PRKN: variants seen among roughly 807,000 people sequenced by gnomAD.
PRKN encodes E3 ubiquitin-protein ligase parkin.
In PRKN, 56 loss-of-function variants were observed where a neutral mutation model predicts 59.5. The ratio of observed to expected loss-of-function variants is 0.94; its 90% CI spans 0.76 to 1.18. The LOEUF (loss-of-function observed/expected upper bound fraction) is 1.18. Ranked by LOEUF, PRKN falls within the 50% of genes most tolerant of loss-of-function variation. PRKN has a pLI of 0.00. For missense variants in PRKN, 657 were observed against 596.4 expected (o/e 1.10, Z -1.06); for synonymous variants, 250 against 222.1 (o/e 1.13, Z -1.12).
chr6:162,001,239 T>G (rs1583462903), intron 5 of PRKN, among the ~76,000 whole-genome samples: 1 of 152,098 alleles, frequency 6.6e-6, no homozygotes, highest in South Asian at 2.1e-4. Flanking sequence ...TGGGAAGAAT[T>G]AACATTCTGA....
chr6:162,714,594 G>A (rs1197127050), intron 1 of PRKN, among the ~76,000 whole-genome samples: 2 of 152,016 alleles, frequency 1.3e-5, no homozygotes, highest in East Asian at 1.9e-4. Flanking sequence ...TGAAATGATT[G>A]GATCAAGAAA....
intron 6 of PRKN, among the ~76,000 whole-genome samples, chr6:161,962,831 G>T (rs1036477822): frequency 2.7e-5 from 4 of 149,860 alleles, no homozygotes; most frequent in African/African-American, 2.4e-5. Flanking sequence ...CACCTCACCC[G>T]GCCGCTCCAT....
intron 4 of PRKN, among the ~76,000 whole-genome samples, chr6:162,084,633 A>C (rs1036630008): frequency 1.3e-4 from 20 of 152,098 alleles, no homozygotes; most frequent in African/African-American, 4.6e-4. Flanking sequence ...GAGATACCTG[A>C]GTTATTTATG....
intron 1 of PRKN, among the ~76,000 whole-genome samples, chr6:162,581,093 A>G (rs116073856): frequency 6.6e-6 from 1 of 152,308 alleles, no homozygotes; most frequent in African/African-American, 2.4e-5. Context: ...CCACTAAGTT[A>G]AGATGCTGTC....
intron 11 of PRKN, among the ~76,000 whole-genome samples, chr6:161,358,426 G>A (rs376830303): frequency 1.1e-4 from 16 of 152,068 alleles, no homozygotes; most frequent in East Asian, 7.7e-4. Context: ...CAGCCTGGCC[G>A]ACATATAGTG....
chr6:162,399,885 C>T lies in PRKN; in HGVS notation c.171+43425G>A, dbSNP rs188908805. On this transcript the variant is annotated intron_variant, in intron 2 of 11. Coordinates refer to ENST00000366898, the MANE Select transcript of PRKN (RefSeq NM_004562.3). The stretch of plus-strand genomic sequence containing the variant: ...ATAGAAAAAAGAACAATGAGCTAAA[C>T]GGCCTGTATGATTTGGAAAAAAAAG... 8.7e-4 allele frequency among the ~76,000 whole-genome samples: 132 copies of T among 152,098 alleles called. 1 individual carries two copies. In the Middle Eastern group the frequency reaches 0.01, roughly 12 times the overall value.
chr6:161,780,628 A>G (rs781049888), intron 7 of PRKN, among the ~76,000 whole-genome samples: 5 of 152,236 alleles, frequency 3.3e-5, no homozygotes, highest in Non-Finnish European at 7.3e-5. Flanking sequence ...CAAAGAAACT[A>G]TTAATTAAAG....
intron 9 of PRKN, among the ~76,000 whole-genome samples, chr6:161,531,147 T>C (rs1033117794): frequency 1.3e-5 from 2 of 151,988 alleles, no homozygotes; most frequent in Non-Finnish European, 2.9e-5. Flanking sequence ...TTTGGGAGGC[T>C]GAGGCGGGCA....
At position 161,362,163 on chromosome 6, in the gene PRKN, A is replaced by G. The variant is rs1785000382; in HGVS notation, c.1168-1958T>C. ...TTTCAAAATGCCATTTTTTAGCAAC[A>G]TGGCATACTGCATGTGAAGGGCAAT... On this transcript the variant is annotated intron_variant, in intron 10 of 11. Coordinates refer to ENST00000366898, the MANE Select transcript of PRKN (RefSeq NM_004562.3). This position sits in a 1 kb window ranked among gnomAD's most constrained non-coding sequence, Gnocchi z 5.2. Among the ~76,000 whole-genome samples the G allele has an allele frequency of 2.0e-5, 3 of 152,210 alleles. No individual in the cohort carries two copies. The highest frequency in any genetic ancestry group is 4.4e-5 in the Non-Finnish European group (3 of 68,036).
intron 1 of PRKN, among the ~76,000 whole-genome samples, chr6:162,590,677 A>G (rs560490149): frequency 1.3e-5 from 2 of 152,336 alleles, no homozygotes; most frequent in African/African-American, 4.8e-5. Flanking sequence ...TGAAAGCCAC[A>G]ATGAAACCCG....
intron 1 of PRKN, among the ~76,000 whole-genome samples, chr6:162,585,474 T>C (rs1186350991): frequency 6.6e-6 from 1 of 152,148 alleles, no homozygotes; most frequent in Non-Finnish European, 1.5e-5. Flanking sequence ...CCATAGATAT[T>C]TACTCCAATT....
intron 2 of PRKN, among the ~76,000 whole-genome samples, chr6:162,377,630 C>A (rs1786189168): frequency 6.6e-6 from 1 of 152,192 alleles, no homozygotes; most frequent in Non-Finnish European, 1.5e-5. Flanking sequence ...CAGATCGGCT[C>A]CCTGATGTCA....
At chr6:161,972,723 G>T (rs1780867869) in intron 6 of PRKN, among the ~76,000 whole-genome samples, 1 of 152,152 alleles carries the variant, frequency 6.6e-6, no homozygotes, top group African/African-American at 2.4e-5. Context: ...ACATGTTGTG[G>T]TGTTCATAAA....
chr6:162,219,184 T>C (rs1777829104), intron 3 of PRKN, among the ~76,000 whole-genome samples: 1 of 152,052 alleles, frequency 6.6e-6, no homozygotes, highest in Non-Finnish European at 1.5e-5. Flanking sequence ...GAGAGAGTTC[T>C]TGCCCAAATA....
intron 9 of PRKN, among the ~76,000 whole-genome samples, chr6:161,438,178 T>C (rs1383020545): frequency 3.9e-5 from 6 of 152,094 alleles, no homozygotes; most frequent in African/African-American, 1.4e-4. Flanking sequence ...AATGTTCTTG[T>C]TTTCTTACAA....
At chr6:162,253,070 T>A (rs976076049) in intron 3 of PRKN, among the ~76,000 whole-genome samples, 1 of 152,204 alleles carries the variant, frequency 6.6e-6, no homozygotes, top group Non-Finnish European at 1.5e-5. Flanking sequence ...GCCAGGACGC[T>A]GTTGTCTACA....
chr6:162,055,648 C>T (rs994002194), intron 4 of PRKN, among the ~76,000 whole-genome samples: 2 of 152,046 alleles, frequency 1.3e-5, no homozygotes, highest in African/African-American at 2.4e-5. Context: ...TTCCAGGAGA[C>T]GTGGTATGAG....
chr6:162,390,423 A>ACC lies in PRKN; in HGVS notation c.171+52886_171+52887insGG, dbSNP rs1562725948. Among the ~76,000 whole-genome samples, 32 of 142,232 alleles carry ACC rather than the reference A, an allele frequency of 2.2e-4. 1 individual carries two copies. The East Asian group carries it at 6.1e-3, about 27-fold the overall frequency. The allele number at this position is 142,232 out of a possible 152,430, so 93.3% of individuals were successfully genotyped here. A position where few individuals can be genotyped will look rare whatever the true frequency, so the allele number is the denominator to read the frequency against. On this transcript the variant is annotated intron_variant, in intron 2 of 11. Transcript: ENST00000366898. The stretch of plus-strand genomic sequence containing the variant: ...CACACACACACACACACACACACAC[A>ACC]CACACCTTATATATATATATATATT...
In PRKN at chr6:162,003,926, T is replaced by C. The variant is rs1488197663; in HGVS notation, c.619-30509A>G. Among the ~76,000 whole-genome samples the C allele has an allele frequency of 2.0e-5, 3 of 152,172 alleles. No individual in the cohort carries two copies. The South Asian group carries it at 6.2e-4, about 31-fold the overall frequency. ...TGGAATCTGAAACTTGAATTATGGA[T>C]TTGTCTTTTTATCTTGCAACTTCAA... On this transcript the variant is annotated intron_variant, in intron 5 of 11. Transcript: ENST00000366898.
Sources: gnomAD v4.1 joint callset for allele counts (sites outside exome capture counted in the v4.1 genomes callset) on GRCh38, gnomAD v4.1.1 for gene constraint, Gnocchi (gnomAD v3.1) non-coding constraint, MANE v1.5 for transcripts, NCBI Gene and HGNC (gene_info 2026-07-23, HGNC 2026-07-21) for gene names.